GRK5: variants seen among roughly 807,000 people sequenced by gnomAD.
GRK5 encodes g protein-coupled receptor kinase GRK5.
A neutral mutation model predicts 78.4 loss-of-function variants in GRK5; 40 were observed. The observed-to-expected ratio is 0.51, with a 90% CI of 0.40 to 0.66. The LOEUF (loss-of-function observed/expected upper bound fraction) is 0.66, where lower values mean the gene tolerates loss of function less well. Ranked by LOEUF, GRK5 falls within the 30% of genes least tolerant of loss-of-function variation. The probability of loss-of-function intolerance (pLI) is 0.00; values close to 1 mark genes in which losing one functional copy is unlikely to be tolerated. For missense variants in GRK5, 598 were observed against 759.9 expected (o/e 0.79, Z 2.50); for synonymous variants, 289 against 296.8 (o/e 0.97, Z 0.27).
chr10:119,387,145 C>T (rs1383810508), intron 3 of GRK5, among the ~76,000 whole-genome samples: 1 of 152,162 alleles, frequency 6.6e-6, no homozygotes, highest in African/African-American at 2.4e-5. Flanking sequence ...GCAGGGATTA[C>T]AGGTGCGCAC....
chr10:119,450,329 A>G (rs1259975347), intron 13 of GRK5, among the ~76,000 whole-genome samples: 2 of 152,198 alleles, frequency 1.3e-5, no homozygotes, highest in Non-Finnish European at 2.9e-5. Context: ...TCTACCTTCC[A>G]GCACACTCCA....
chr10:119,263,190 A>G (rs1488855709), intron 1 of GRK5, among the ~76,000 whole-genome samples: 1 of 151,960 alleles, frequency 6.6e-6, no homozygotes, highest in African/African-American at 2.4e-5. Flanking sequence ...TATTTTTAGT[A>G]GAGATGGGGT....
rs907704999 is a variant in GRK5, at chr10:119,445,482, T to G, written c.1266+1730T>G. ...CCCTGGCTTTGGAGCTGGGATCTCC[T>G]GCTGCAGCCTGGACCAGGGTGCTGC... On this transcript the variant is annotated intron_variant, in intron 12 of 15. Transcript: ENST00000392870. The surrounding 1 kb of genome is among the most constrained non-coding windows in gnomAD (Gnocchi z 4.1). 1.3e-5 allele frequency among the ~76,000 whole-genome samples: 2 copies of G among 152,092 alleles called. No homozygotes were observed. The highest frequency in any genetic ancestry group is 4.8e-5 in the African/African-American group (2 of 41,422).
intron 1 of GRK5, among the ~76,000 whole-genome samples, chr10:119,278,917 G>C (rs1376088889): frequency 2.0e-5 from 3 of 152,136 alleles, no homozygotes; most frequent in African/African-American, 7.2e-5. Flanking sequence ...TCGCTCTGTT[G>C]CCCAGGCTGG....
intron 1 of GRK5, among the ~76,000 whole-genome samples, chr10:119,239,926 C>G (rs1054697091): frequency 2.6e-5 from 4 of 152,096 alleles, no homozygotes; most frequent in African/African-American, 9.7e-5. Context: ...CATTGATGGG[C>G]ATTTGGGTTG....
chr10:119,374,642 A>C (rs1255496212), intron 2 of GRK5, among the ~76,000 whole-genome samples: 1 of 152,246 alleles, frequency 6.6e-6, no homozygotes, highest in Non-Finnish European at 1.5e-5. Flanking sequence ...ATTTTCAGCC[A>C]GTTACATTCA....
chr10:119,300,004 G>A (rs56894762), intron 1 of GRK5, among the ~76,000 whole-genome samples: 3 of 152,032 alleles, frequency 2.0e-5, no homozygotes, highest in African/African-American at 4.8e-5. Flanking sequence ...TGTTCCCTAA[G>A]CAGATGTTCT....
At position 119,415,081 on chromosome 10, in the gene GRK5, CAAAAAAAAAAA is replaced by C. The variant is rs762165768; in HGVS notation, c.340-8073_340-8063del. 8.6e-4 allele frequency among the ~76,000 whole-genome samples: 65 copies of C among 75,744 alleles called. 1 individual carries two copies. The East Asian group carries it at 0.019, about 22-fold the overall frequency. 49.7% of individuals were successfully genotyped at this position (75,744 alleles called of 152,430 possible). On this transcript the variant is annotated intron_variant, in intron 4 of 15. Transcript: ENST00000392870. ...TGGGTGACAGAGTGAGACTCTGTCTCAAAAAAAAAAAAAAAAAAAAAAGAAAAAGAAAAAAG... is the reference window on the plus strand; with the variant it reads ...TGGGTGACAGAGTGAGACTCTGTCTCAAAAAAAAAAAGAAAAAGAAAAAAG...
intron 4 of GRK5, among the ~76,000 whole-genome samples, chr10:119,407,534 A>G (rs1006569610): frequency 6.6e-6 from 1 of 152,274 alleles, no homozygotes; most frequent in Non-Finnish European, 1.5e-5. Context: ...CTAGTTAAGC[A>G]CTAAGTCATT....
intron 3 of GRK5, among the ~76,000 whole-genome samples, chr10:119,391,760 G>A (rs1379316155): frequency 2.0e-5 from 3 of 152,324 alleles, no homozygotes; most frequent in Non-Finnish European, 2.9e-5. Context: ...AGCTGGGGCC[G>A]TGGGGGTGGA....
At chr10:119,347,766 C>T (rs938373664) in intron 2 of GRK5, among the ~76,000 whole-genome samples, 1 of 152,238 alleles carries the variant, frequency 6.6e-6, no homozygotes, top group Non-Finnish European at 1.5e-5. Flanking sequence ...GACCAGTAGG[C>T]GTGTCTGCCT....
chr10:119,256,484 A>T (rs536408246), intron 1 of GRK5, among the ~76,000 whole-genome samples: 53 of 152,262 alleles, frequency 3.5e-4, no homozygotes, highest in Non-Finnish European at 6.9e-4. Context: ...GAGCTCACAC[A>T]GCTGAGTAAC....
rs79411615 is a variant in GRK5, at chr10:119,332,464, C to T, written c.148+5853C>T. Among the ~76,000 whole-genome samples, 883 of 152,270 alleles carry T rather than the reference C, an allele frequency of 5.8e-3. 12 individuals carry two copies. The highest frequency in any genetic ancestry group is 0.02 in the African/African-American group (826 of 41,538). On this transcript the variant is annotated intron_variant, in intron 2 of 15. Coordinates refer to ENST00000392870, the MANE Select transcript of GRK5 (RefSeq NM_005308.3). ...GAGTGAGCTTTTCAGATATCTGCAA[C>T]AACTGATAGGAATGGATCTTTGATT... is the stretch of plus-strand genomic sequence containing the variant.
At chr10:119,262,975 A>C (rs1849436421) in intron 1 of GRK5, among the ~76,000 whole-genome samples, 1 of 152,124 alleles carries the variant, frequency 6.6e-6, no homozygotes, top group Admixed American at 6.5e-5. Context: ...AGTTGTTGGG[A>C]AATATTTCTT....
rs1851683380 is a variant in GRK5, at chr10:119,379,799, C to T, written c.149-1016C>T. Among the ~76,000 whole-genome samples, 1 of 152,264 alleles carries T rather than the reference C, an allele frequency of 6.6e-6. No individual in the cohort carries two copies. The highest frequency in any genetic ancestry group is 2.4e-5 in the African/African-American group (1 of 41,546). On this transcript the variant is annotated intron_variant, in intron 2 of 15. Transcript: ENST00000392870. The surrounding 1 kb of genome is among the most constrained non-coding windows in gnomAD (Gnocchi z 4.1). ...GCAGGAAGAACCAAAAGGGAAAGGGCCCCCATCCCAACTCCAGCATGCCCT... is the reference window on the plus strand; with the variant it reads ...GCAGGAAGAACCAAAAGGGAAAGGGTCCCCATCCCAACTCCAGCATGCCCT...
chr10:119,320,122 G>T (rs1243076696), intron 1 of GRK5, among the ~76,000 whole-genome samples: 1 of 152,236 alleles, frequency 6.6e-6, no homozygotes, highest in Non-Finnish European at 1.5e-5. Context: ...AGCCATGCCT[G>T]TAGGGTCGGA....
At chr10:119,320,161 T>G (rs767088461) in intron 1 of GRK5, among the ~76,000 whole-genome samples, 4 of 152,134 alleles carry the variant, frequency 2.6e-5, no homozygotes, top group Non-Finnish European at 4.4e-5. Context: ...ATACAGGGAT[T>G]GGAGGGGCTG....
chr10:119,393,697 T>C (rs1851923941), intron 3 of GRK5, among the ~76,000 whole-genome samples: 1 of 152,190 alleles, frequency 6.6e-6, no homozygotes, highest in Non-Finnish European at 1.5e-5. Context: ...TCAGCCCCTT[T>C]GGAGACGCCA....
intron 1 of GRK5, among the ~76,000 whole-genome samples, chr10:119,290,024 A>C (rs563998999): frequency 6.6e-6 from 1 of 152,120 alleles, no homozygotes; most frequent in Non-Finnish European, 1.5e-5. Flanking sequence ...AGTAATAAGG[A>C]CCCCAGTTGC....
Sources: gnomAD v4.1 joint callset for allele counts (sites outside exome capture counted in the v4.1 genomes callset) on GRCh38, gnomAD v4.1.1 for gene constraint, Gnocchi (gnomAD v3.1) non-coding constraint, MANE v1.5 for transcripts, NCBI Gene and HGNC (gene_info 2026-07-23, HGNC 2026-07-21) for gene names.